OSBPL9: variants seen among roughly 807,000 people sequenced by gnomAD.
OSBPL9 encodes the protein oxysterol-binding protein-related protein 9.
Under a neutral mutation model 106.6 loss-of-function variants are expected in OSBPL9, and 40 were observed. The observed-to-expected ratio is 0.38, with a 90% CI of 0.29 to 0.49. OSBPL9 has a LOEUF of 0.49. OSBPL9 is among the 20% of genes least tolerant of loss of function. The probability of loss-of-function intolerance (pLI) is 0.97; values close to 1 mark genes in which losing one functional copy is unlikely to be tolerated. For synonymous variants in OSBPL9, 269 were observed against 295.4 expected, an observed-to-expected ratio of 0.91 and a Z score of 0.92; for missense variants, 609 against 887.2, an observed-to-expected ratio of 0.69 and a Z score of 3.98.
At chr1:51,528,032 G>A in the OSBPL9 span, among the ~76,000 whole-genome samples, 6,722 of 151,794 alleles carry the variant, frequency 0.044, 234 homozygotes, top group Middle Eastern at 0.1. Context: ...GCTGAGGCAC[G>A]AGAATCTCTT....
At chr1:51,763,271 G>C (rs369987928) in intron 11 of OSBPL9, among the ~76,000 whole-genome samples, 1 of 152,170 alleles carries the variant, frequency 6.6e-6, no homozygotes, top group South Asian at 2.1e-4. Context: ...CTCCCAAAGT[G>C]CTGGGATTAC....
intron 8 of OSBPL9, among the ~76,000 whole-genome samples, chr1:51,755,014 T>C (rs371691227): frequency 8.7e-4 from 133 of 152,160 alleles, no homozygotes; most frequent in Non-Finnish European, 1.0e-3. Flanking sequence ...GCTTTGTTGC[T>C]TAGACTGGTC....
upstream of OSBPL9, chr1:51,617,039 C>A: frequency 6.5e-7 from 1 of 1,534,646 alleles, no homozygotes; most frequent in South Asian, 1.2e-5. Flanking sequence ...CCCTGCGGCC[C>A]CGCCCCCCGC....
At chr1:51,653,430 T>C (rs1413663645) in intron 2 of OSBPL9, among the ~76,000 whole-genome samples, 1 of 152,212 alleles carries the variant, frequency 6.6e-6, no homozygotes, top group Non-Finnish European at 1.5e-5. Flanking sequence ...CCACTGGTTT[T>C]GTCTGTCTTT....
intron 4 of OSBPL9, among the ~76,000 whole-genome samples, chr1:51,739,097 A>G (rs545081677): frequency 5.3e-5 from 8 of 152,126 alleles, no homozygotes; most frequent in African/African-American, 1.9e-4. Context: ...TGAGTCCTTA[A>G]AGCTGTGCTC....
chr1:51,787,450 C>G lies in OSBPL9; in HGVS notation c.2098C>G (p.Arg700Gly), dbSNP rs1677944899. 1 of 1,613,950 alleles carries G rather than the reference C, an allele frequency of 6.2e-7. No individual in the cohort carries two copies. The highest frequency in any genetic ancestry group is 8.5e-7 in the Non-Finnish European group (1 of 1,179,874). ...RLEERQRAEA[R>G]ERKEKEIQWE... Reference sequence around the variant, plus strand: ...TGAAGAAAGACAAAGAGCAGAAGCCCGAGAAAGGAAGGAGAAGGAAATTCA... The same window carrying G: ...TGAAGAAAGACAAAGAGCAGAAGCCGGAGAAAGGAAGGAGAAGGAAATTCA... Residue 700 changes from arginine (R) to glycine (G), a missense_variant, in exon 23 of 24, where the codon CGA (arginine) becomes GGA (glycine). By Grantham distance (125) the Arg-to-Gly change is moderately radical. Transcript: ENST00000428468.
At chr1:51,591,581 C>G (rs1373178415) in intron 1 of OSBPL9, among the ~76,000 whole-genome samples, 1 of 152,186 alleles carries the variant, frequency 6.6e-6, no homozygotes, top group Non-Finnish European at 1.5e-5. Flanking sequence ...CCAAGGCGGG[C>G]AGATCACTTG....
At chr1:51,588,510 A>T (rs1645258211) in intron 1 of OSBPL9, among the ~76,000 whole-genome samples, 1 of 152,162 alleles carries the variant, frequency 6.6e-6, no homozygotes. Context: ...AAATTAAAAA[A>T]TTAGCTGGGT....
rs768099845 is a variant in OSBPL9 at position 51,606,852 on chromosome 1, G to T, written c.-352-7453G>T. Among the ~76,000 whole-genome samples, 38 of 152,074 alleles carry T rather than the reference G, an allele frequency of 2.5e-4. No individual in the cohort carries two copies. The East Asian group carries it at 2.5e-3, about 10-fold the overall frequency. ...TCACGAGGTCAGGAGATCGAGACTA[G>T]CCTGGCTAACACGGTGAAACCCGGT... On this transcript the variant is annotated intron_variant, in intron 2 of 25. Coordinates refer to the OSBPL9 transcript ENST00000371714.
At chr1:51,784,749 G>A (rs1197233302) in intron 20 of OSBPL9, 167 bp downstream of exon 20, 1 of 779,784 alleles carries the variant, frequency 1.3e-6, no homozygotes, top group African/African-American at 1.8e-5. Context: ...ATCAGAAGAA[G>A]ACCTAAAACA....
intron 9 of OSBPL9, among the ~76,000 whole-genome samples, chr1:51,758,283 A>G (rs1571587098): frequency 6.6e-6 from 1 of 152,156 alleles, no homozygotes; most frequent in African/African-American, 2.4e-5. Context: ...GCAGTGGCAA[A>G]GCAGTGGGTT....
chr1:51,654,674 T>A (rs1433983143), intron 2 of OSBPL9, among the ~76,000 whole-genome samples: 1 of 152,196 alleles, frequency 6.6e-6, no homozygotes, highest in Non-Finnish European at 1.5e-5. Context: ...CATCCACTGA[T>A]GAATGGATAA....
intron 7 of OSBPL9, 109 bp downstream of exon 7, chr1:51,748,507 T>C (rs1164269886): frequency 1.7e-6 from 2 of 1,193,716 alleles, no homozygotes; most frequent in Non-Finnish European, 2.2e-6. Context: ...TGTTAGTTTT[T>C]ATGAATATTA....
At chr1:51,617,598 A>G (rs1037238570) in intron 1 of OSBPL9, among the ~76,000 whole-genome samples, 3 of 152,012 alleles carry the variant, frequency 2.0e-5, no homozygotes, top group African/African-American at 7.3e-5. Flanking sequence ...TGGACTTTAC[A>G]CTGTCCCACC....
intron 1 of OSBPL9, among the ~76,000 whole-genome samples, chr1:51,622,095 A>G (rs1242667841): frequency 6.6e-6 from 1 of 151,934 alleles, no homozygotes; most frequent in Non-Finnish European, 1.5e-5. Flanking sequence ...TAGTGATTGG[A>G]TGTGAGTGAA....
chr1:51,608,111 TC>T (rs1452781659), intron 2 of OSBPL9, among the ~76,000 whole-genome samples: 1 of 152,184 alleles, frequency 6.6e-6, no homozygotes, highest in Non-Finnish European at 1.5e-5. Context: ...AGTCTAGTGT[TC>T]CTAGAGGAAG....
rs1175979068 is a variant in OSBPL9, at chr1:51,789,085, T to TCAA, written c.*1300_*1302dup. 2 of 770,974 alleles carry TCAA rather than the reference T, an allele frequency of 2.6e-6. No homozygotes were observed. The highest frequency in any genetic ancestry group is 2.7e-5 in the East Asian group (1 of 37,314). The allele number at this position is 770,974 out of a possible 1,614,324, so 47.8% of individuals were successfully genotyped here. ...TACAGTAACCCTGGGTTTATTAGTC[T>TCAA]CAACAAAGGATAAAAAGTAAATCAA... On this transcript the variant is annotated 3_prime_UTR_variant, in exon 24 of 24. Transcript: ENST00000428468.
rs189246210 is a variant in OSBPL9, at chr1:51,696,522, G to A, written c.242-17481G>A. On this transcript the variant is annotated intron_variant, in intron 3 of 23. Coordinates refer to ENST00000428468, the MANE Select transcript of OSBPL9 (RefSeq NM_024586.6). Reference sequence around the variant, plus strand: ...AAAGGCAAGTTCAGTGATTCTAGTCGTTGCCTCTTTCTGCACGTAAGATAA... The same window carrying A: ...AAAGGCAAGTTCAGTGATTCTAGTCATTGCCTCTTTCTGCACGTAAGATAA... 1.4e-4 allele frequency among the ~76,000 whole-genome samples: 22 copies of A among 152,240 alleles called. No homozygotes were observed. The East Asian group carries it at 2.7e-3, about 19-fold the overall frequency.
chr1:51,665,084 A>C (rs1648120100), intron 2 of OSBPL9, among the ~76,000 whole-genome samples: 1 of 152,244 alleles, frequency 6.6e-6, no homozygotes, highest in African/African-American at 2.4e-5. Flanking sequence ...CATAGTCATT[A>C]GCCACAAGTG....
Sources: allele counts gnomAD v4.1 joint callset (sites outside exome capture counted in the v4.1 genomes callset), GRCh38; gene constraint gnomAD v4.1.1; transcripts MANE v1.5; gene names NCBI Gene and HGNC (gene_info 2026-07-23, HGNC 2026-07-21).